The following SDK1 variants were observed in gnomAD, a reference collection of about 807,000 sequenced individuals.
The protein encoded by SDK1 is protein sidekick-1.
SDK1 carries 157 observed loss-of-function variants against 245.5 expected under a neutral mutation model. The ratio of observed to expected loss-of-function variants is 0.64; its 90% CI spans 0.56 to 0.73. The LOEUF (loss-of-function observed/expected upper bound fraction) is 0.73. Ranked by LOEUF, SDK1 falls within the 30% of genes least tolerant of loss-of-function variation. The probability of loss-of-function intolerance (pLI) is 0.00; values close to 1 mark genes in which losing one functional copy is unlikely to be tolerated. For synonymous variants in SDK1, 1,647 were observed against 1,278.5 expected (o/e 1.29, Z -6.15); for missense variants, 3,583 against 3,002.3 (o/e 1.19, Z -4.52).
At position 4,130,311 on chromosome 7, in the gene SDK1, G is replaced by A. The variant is rs917897961; in HGVS notation, c.4129+214G>A. On this transcript the variant is annotated intron_variant, in intron 27 of 44. Transcript: ENST00000404826. The stretch of plus-strand genomic sequence containing the variant: ...ATTTTTACAGCCTAATTATGAACCT[G>A]TACTGAGTTTCCCTCATAACTCTGC... 5 of 586,516 alleles carry A rather than the reference G, an allele frequency of 8.5e-6. No homozygotes were observed. The African/African-American group carries it at 9.4e-5, about 11-fold the overall frequency. 36.3% of individuals were successfully genotyped at this position (586,516 alleles called of 1,614,324 possible).
At chr7:4,238,279 C>T (rs1270319296) in intron 42 of SDK1, among the ~76,000 whole-genome samples, 1 of 151,848 alleles carries the variant, frequency 6.6e-6, no homozygotes, top group African/African-American at 2.4e-5. Flanking sequence ...GGGGTTTCAC[C>T]ATGTTGGCCA....
At chr7:3,605,177 T>A (rs540393308) in intron 1 of SDK1, among the ~76,000 whole-genome samples, 1 of 110,446 alleles carries the variant, frequency 9.1e-6, no homozygotes, top group African/African-American at 4.1e-5. Context: ...AGGTGTGATG[T>A]CTACTGTATA....
In SDK1 at chr7:3,847,869, C is replaced by T. The variant is rs561370600; in HGVS notation, c.847+26286C>T. On this transcript the variant is annotated intron_variant, in intron 5 of 44. Coordinates refer to ENST00000404826, the MANE Select transcript of SDK1 (RefSeq NM_152744.4). ...AGTATGTGGAAAACATTTTCTTTGA[C>T]AGTTGGAGGTGGTGCTGATACACTA... 7.2e-5 allele frequency among the ~76,000 whole-genome samples: 11 copies of T among 152,324 alleles called. No homozygotes were observed. The South Asian group carries it at 1.9e-3, about 26-fold the overall frequency.
chr7:4,099,611 G>A (rs536040177), intron 22 of SDK1, among the ~76,000 whole-genome samples: 2 of 128,616 alleles, frequency 1.6e-5, no homozygotes, highest in South Asian at 3.2e-4. Flanking sequence ...ACTACCTCCA[G>A]GTGAGCTGCT....
chr7:4,201,504 A>G (rs986752137), intron 35 of SDK1, among the ~76,000 whole-genome samples: 41 of 152,270 alleles, frequency 2.7e-4, no homozygotes, highest in African/African-American at 9.6e-4. Flanking sequence ...TAAAACATTA[A>G]CATTGATTCT....
In SDK1 at chr7:4,266,573, CT is replaced by C. The variant is rs35404818; in HGVS notation, c.*1197del. Reference sequence around the variant, plus strand: ...CTTAACAGGTTTTTTGGAAATGTTTCTTTTTTTTATTTAAAATTGTCATTGT... The same window carrying C: ...CTTAACAGGTTTTTTGGAAATGTTTCTTTTTTTATTTAAAATTGTCATTGT... On this transcript the variant is annotated 3_prime_UTR_variant, in exon 45 of 45. Transcript: ENST00000404826. 0.68 allele frequency: 665,404 copies of C among 984,640 alleles called. 225,045 individuals are homozygous for C. The highest frequency in any genetic ancestry group is 0.86 in the East Asian group (7,527 of 8,786). 61.0% of individuals were successfully genotyped at this position (984,640 alleles called of 1,614,324 possible).
chr7:3,962,781 C>T lies in SDK1; in HGVS notation c.1359C>T (p.Ser453=), dbSNP rs141891693. 6.5e-4 allele frequency: 1,055 copies of T among 1,613,654 alleles called. 3 individuals carry two copies. Among genetic ancestry groups the T allele is most frequent in the South Asian group, 1.7e-3 (151 of 91,052 alleles). Residue 453 remains serine (S), a synonymous_variant, in exon 9 of 45, where the codon TCC becomes TCT. Coordinates refer to ENST00000404826, the MANE Select transcript of SDK1 (RefSeq NM_152744.4). ...TCCAGAAGCTGCGTCCAGAGGACTC[C>T]GGAATCTTCCAGTGCTTCGCCAGCA... ...LRIQKLRPED[S]GIFQCFASNE...
intron 1 of SDK1, among the ~76,000 whole-genome samples, chr7:3,468,114 A>T (rs1020534326): frequency 1.2e-4 from 18 of 152,192 alleles, no homozygotes; most frequent in African/African-American, 4.3e-4. Context: ...GAGAGAAATC[A>T]TTCATTTCAG....
rs373102680 is a variant in SDK1, at chr7:3,458,839, A to G, written c.298+156955A>G. 1.1e-4 allele frequency among the ~76,000 whole-genome samples: 17 copies of G among 152,256 alleles called. 1 individual carries two copies. In the East Asian group the frequency reaches 2.7e-3, roughly 24 times the overall value. ...TTTCATTGGTCTGTTTTGTCTACCTATGCACCATTATCACCGTATCTTAAT... is the reference window on the plus strand; with the variant it reads ...TTTCATTGGTCTGTTTTGTCTACCTGTGCACCATTATCACCGTATCTTAAT... On this transcript the variant is annotated intron_variant, in intron 1 of 44. Transcript: ENST00000404826.
intron 42 of SDK1, among the ~76,000 whole-genome samples, chr7:4,238,719 T>C (rs1274534221): frequency 1.3e-5 from 2 of 151,924 alleles, no homozygotes; most frequent in East Asian, 3.9e-4. Context: ...CGGCTAATTT[T>C]GTATTTTTAA....
chr7:3,603,457 G>A (rs1175081513), intron 1 of SDK1, among the ~76,000 whole-genome samples: 1 of 151,264 alleles, frequency 6.6e-6, no homozygotes, highest in Non-Finnish European at 1.5e-5. Flanking sequence ...GTGAATGGGA[G>A]TTCACTCATG....
chr7:3,823,215 A>G (rs940379232), intron 5 of SDK1, among the ~76,000 whole-genome samples: 3 of 152,212 alleles, frequency 2.0e-5, no homozygotes, highest in African/African-American at 7.2e-5. Flanking sequence ...GGGTTATGAT[A>G]AAGAATGGAA....
intron 1 of SDK1, among the ~76,000 whole-genome samples, chr7:3,417,109 G>A (rs1054855677): frequency 2.0e-5 from 3 of 152,194 alleles, no homozygotes; most frequent in Non-Finnish European, 4.4e-5. Flanking sequence ...AGGAGGTGGA[G>A]GTTGCAGGGA....
intron 1 of SDK1, among the ~76,000 whole-genome samples, chr7:3,448,173 T>C (rs531202312): frequency 6.6e-6 from 1 of 152,212 alleles, no homozygotes; most frequent in African/African-American, 2.4e-5. Flanking sequence ...ATCACATCTT[T>C]AACAGCACTA....
chr7:3,407,834 T>TC, intron 1 of SDK1, among the ~76,000 whole-genome samples: 1 of 152,208 alleles, frequency 6.6e-6, no homozygotes, highest in Non-Finnish European at 1.5e-5. Flanking sequence ...TGAAAACAAA[T>TC]CATTTAACTG....
intron 22 of SDK1, among the ~76,000 whole-genome samples, chr7:4,106,275 G>A (rs1167227189): frequency 2.6e-5 from 4 of 151,732 alleles, no homozygotes; most frequent in East Asian, 3.9e-4. Flanking sequence ...GAGATCAGCC[G>A]CCCCACTGTC....
intron 5 of SDK1, among the ~76,000 whole-genome samples, chr7:3,902,625 T>C (rs1459352566): frequency 6.6e-6 from 1 of 152,222 alleles, no homozygotes; most frequent in Non-Finnish European, 1.5e-5. Context: ...TGTGTCTTAA[T>C]TGAATAATAT....
chr7:3,786,945 T>C (rs187632280), intron 4 of SDK1, among the ~76,000 whole-genome samples: 27 of 152,194 alleles, frequency 1.8e-4, no homozygotes, highest in Admixed American at 1.7e-3. Context: ...TTTTCAGATA[T>C]CAAAGCAAAT....
chr7:4,046,334 C>G (rs1160701495), intron 17 of SDK1, among the ~76,000 whole-genome samples: 1 of 152,076 alleles, frequency 6.6e-6, no homozygotes. Context: ...CAGCTTTATT[C>G]ATTTTTTTTC....
Sources: gnomAD v4.1 joint callset for allele counts (sites outside exome capture counted in the v4.1 genomes callset) on GRCh38, gnomAD v4.1.1 for gene constraint, MANE v1.5 for transcripts, NCBI Gene and HGNC (gene_info 2026-07-23, HGNC 2026-07-21) for gene names.